Variants in ATL3 observed in about 807,000 individuals in gnomAD.
ATL3 encodes the protein atlastin GTPase 3.
ATL3 carries 49 observed loss-of-function variants against 69.5 expected under a neutral mutation model. That is an observed-to-expected ratio of 0.71 (90% CI 0.56 to 0.89). The LOEUF is 0.89. ATL3 is among the 40% of genes least tolerant of loss of function. The pLI, the probability that ATL3 is intolerant of heterozygous loss-of-function variation, is 0.00. For synonymous variants in ATL3, 214 were observed against 224.1 expected (o/e 0.95, Z 0.40); for missense variants, 606 against 645.7 (o/e 0.94, Z 0.67).
intron 8 of ATL3, among the ~76,000 whole-genome samples, chr11:63,637,133 C>T (rs1417135014): frequency 1.3e-5 from 2 of 151,932 alleles, no homozygotes; most frequent in African/African-American, 2.4e-5. Context: ...AAAAATTAGC[C>T]GGGGGTGGTG....
chr11:63,631,327 C>G lies in ATL3; in HGVS notation c.1252G>C (p.Glu418Gln), dbSNP rs781024290. The G allele has an allele frequency of 1.9e-6, 3 of 1,614,248 alleles. No individual in the cohort carries two copies. Among genetic ancestry groups the G allele is most frequent in the Non-Finnish European group, 2.5e-6 (3 of 1,180,046 alleles). ...TCATATAATTCCTTGATTTCCTCCT[C>G]CAGCTCCTGCTGGTAACGAAAGCTG... ...DFSFRYQQEL[E>Q]EEIKELYENF... is the part of the protein sequence containing the mutation. The change falls in exon 12 of 13, where the codon GAG becomes CAG. Residue 418 changes from glutamate to glutamine, a missense_variant. Transcript: ENST00000398868.
At chr11:63,661,104 T>TCC (rs888919391) in intron 1 of ATL3, among the ~76,000 whole-genome samples, 2 of 151,072 alleles carry the variant, frequency 1.3e-5, no homozygotes, top group Admixed American at 1.3e-4. Flanking sequence ...ACGCCTGTGG[T>TCC]CCCAGCTACT....
At position 63,624,466 on chromosome 11, in the gene ATL3, C is replaced by A. The variant is rs1315903955; in HGVS notation, c.*4853G>T. The A allele has an allele frequency of 6.6e-6, 1 of 152,138 alleles. No individual in the cohort carries two copies. The highest frequency in any genetic ancestry group is 1.5e-5 in the Non-Finnish European group (1 of 68,038). 9.4% of individuals were successfully genotyped at this position (152,138 alleles called of 1,614,324 possible). On this transcript the variant is annotated 3_prime_UTR_variant, in exon 13 of 13. Coordinates refer to ENST00000398868, the MANE Select transcript of ATL3 (RefSeq NM_015459.5). The stretch of plus-strand genomic sequence containing the variant: ...AAAATGTCTTTCAAAGCCCTTCTGT[C>A]CCTAGATCTGTTTTGCAAAGTTTCT...
At position 63,656,007 on chromosome 11, in the gene ATL3, G is replaced by A. The variant is rs556588015; in HGVS notation, c.405+2754C>T. Among the ~76,000 whole-genome samples, 20 of 151,858 alleles carry A rather than the reference G, an allele frequency of 1.3e-4. No homozygotes were observed. The South Asian group carries it at 2.5e-3, about 19-fold the overall frequency. ...TGGGAGGCCAAGGCGGGCAGATCACGAGGTCAGGAGATCGAGACCATCCTG... is the reference window on the plus strand; with the variant it reads ...TGGGAGGCCAAGGCGGGCAGATCACAAGGTCAGGAGATCGAGACCATCCTG... On this transcript the variant is annotated intron_variant, in intron 3 of 12. Coordinates refer to ENST00000398868, the MANE Select transcript of ATL3 (RefSeq NM_015459.5).
intron 1 of ATL3, among the ~76,000 whole-genome samples, chr11:63,659,456 G>A (rs1019644783): frequency 3.3e-5 from 5 of 151,958 alleles, no homozygotes; most frequent in East Asian, 3.9e-4. Flanking sequence ...GAAACCCAGC[G>A]CTATGAAATT....
chr11:63,660,827 C>T (rs974594302), intron 1 of ATL3, among the ~76,000 whole-genome samples: 1 of 151,860 alleles, frequency 6.6e-6, no homozygotes. Flanking sequence ...TTTGCCACTG[C>T]TAAGCTTTAT....
intron 6 of ATL3, 139 bp from the exon 7 acceptor site, chr11:63,644,400 T>G: frequency 1.6e-6 from 1 of 607,012 alleles, no homozygotes; most frequent in South Asian, 1.9e-5. Flanking sequence ...TTTTTTTTTT[T>G]TTTTAAAGAG....
At chr11:63,661,883 C>A (rs1331106264) in intron 1 of ATL3, among the ~76,000 whole-genome samples, 1 of 141,746 alleles carries the variant, frequency 7.1e-6, no homozygotes, top group Non-Finnish European at 1.5e-5. Flanking sequence ...AGTGACACTC[C>A]GTCTCAAAAA....
chr11:63,654,794 T>G (rs1351513782), intron 3 of ATL3, among the ~76,000 whole-genome samples: 2 of 130,982 alleles, frequency 1.5e-5, no homozygotes, highest in African/African-American at 5.8e-5. Flanking sequence ...CCTCCCAGGT[T>G]CAAGCGATTC....
intron 9 of ATL3, 81 bp from the exon 10 acceptor site, chr11:63,635,671 T>C: frequency 3.6e-6 from 4 of 1,101,902 alleles, no homozygotes; most frequent in Middle Eastern, 4.3e-4. Context: ...AAAGTGACCA[T>C]ACAACTGCAT....
upstream of ATL3, chr11:63,671,491 G>C (rs960010012): frequency 5.5e-6 from 8 of 1,460,028 alleles, no homozygotes; most frequent in East Asian, 2.3e-4. Flanking sequence ...GCGACGGAGC[G>C]AGCGCAGCGC....
chr11:63,635,900 G>A (rs187363534), intron 9 of ATL3, among the ~76,000 whole-genome samples: 16 of 146,132 alleles, frequency 1.1e-4, no homozygotes, highest in Admixed American at 6.3e-4. Flanking sequence ...TCTAGGTGCC[G>A]TCTCCTCCTA....
chr11:63,667,905 C>T (rs570179239), intron 1 of ATL3, among the ~76,000 whole-genome samples: 2 of 152,132 alleles, frequency 1.3e-5, no homozygotes, highest in South Asian at 4.1e-4. Flanking sequence ...CTGGCCTCTA[C>T]CCACTAGATA....
chr11:63,658,981 G>C, intron 2 of ATL3, 57 bp downstream of exon 2: 1 of 1,600,838 alleles, frequency 6.2e-7, no homozygotes, highest in South Asian at 1.1e-5. Context: ...AGCTTATTTC[G>C]CTTTTTTGGA....
At chr11:63,650,067 C>A (rs1169723285) in intron 5 of ATL3, among the ~76,000 whole-genome samples, 4 of 151,450 alleles carry the variant, frequency 2.6e-5, no homozygotes, top group Non-Finnish European at 5.9e-5. Flanking sequence ...TACAATTTAA[C>A]TTTCCAAATG....
At chr11:63,652,075 A>G (rs962200525) in intron 4 of ATL3, 89 bp from the exon 5 acceptor site, 62 of 1,516,724 alleles carry the variant, frequency 4.1e-5, no homozygotes, top group Non-Finnish European at 4.7e-5. Flanking sequence ...AGCTTTGAAC[A>G]ATTAAAGACT....
At chr11:63,643,084 G>C (rs1939750780) in intron 8 of ATL3, among the ~76,000 whole-genome samples, 1 of 152,118 alleles carries the variant, frequency 6.6e-6, no homozygotes, top group African/African-American at 2.4e-5. Context: ...CCTTTATTTA[G>C]CATTTGTATC....
chr11:63,629,508 G>A lies in ATL3; in HGVS notation c.1540-103C>T, dbSNP rs1325745156. On this transcript the variant is annotated intron_variant, in intron 12 of 12. Transcript: ENST00000398868. ...AAAAACCTGTCTCCATCATCGGCAT[G>A]TTACAGAAAGCAGTTGAATGAAAAT... 6 of 965,868 alleles carry A rather than the reference G, an allele frequency of 6.2e-6. No individual in the cohort carries two copies. The East Asian group carries it at 1.3e-4, about 20-fold the overall frequency. 59.8% of individuals were successfully genotyped at this position (965,868 alleles called of 1,614,324 possible).
chr11:63,636,556 T>G (rs1000431975), intron 8 of ATL3, among the ~76,000 whole-genome samples: 1 of 152,058 alleles, frequency 6.6e-6, no homozygotes, highest in Non-Finnish European at 1.5e-5. Flanking sequence ...CTGACCAACA[T>G]GGTGAAACCC....
Sources: gnomAD v4.1 joint callset for allele counts (sites outside exome capture counted in the v4.1 genomes callset) on GRCh38, gnomAD v4.1.1 for gene constraint, MANE v1.5 for transcripts, NCBI Gene and HGNC (gene_info 2026-07-23, HGNC 2026-07-21) for gene names.